MYT1L: variants seen among roughly 807,000 people sequenced by gnomAD.
The protein encoded by MYT1L is myelin transcription factor 1-like protein.
In MYT1L, 12 loss-of-function variants were observed where a neutral mutation model predicts 126.7. The ratio of observed to expected loss-of-function variants is 0.09; its 90% confidence interval spans 0.06 to 0.15. The LOEUF is 0.15. MYT1L is among the 10% of genes least tolerant of loss of function. The probability of loss-of-function intolerance (pLI) is 1.00; values close to 1 mark genes in which losing one functional copy is unlikely to be tolerated. For synonymous variants in MYT1L, 541 were observed against 604.2 expected (o/e 0.90, Z 1.53); for missense variants, 979 against 1,585.2 (o/e 0.62, Z 6.49).
chr2:1,939,774 G>A (rs1225421376), intron 9 of MYT1L, among the ~76,000 whole-genome samples: 1 of 152,218 alleles, frequency 6.6e-6, no homozygotes, highest in African/African-American at 2.4e-5. Flanking sequence ...GGGTATAAGA[G>A]ACTAGAAGAT....
At chr2:1,836,609 C>T (rs1372056014) in intron 21 of MYT1L, among the ~76,000 whole-genome samples, 1 of 149,910 alleles carries the variant, frequency 6.7e-6, no homozygotes, top group Non-Finnish European at 1.5e-5. Flanking sequence ...ACCCCAAGAT[C>T]CCATCAGCTT....
intron 1 of MYT1L, among the ~76,000 whole-genome samples, chr2:2,322,020 A>G (rs1312764115): frequency 1.3e-5 from 2 of 152,216 alleles, no homozygotes; most frequent in Admixed American, 1.3e-4. Flanking sequence ...ACTGGCATTT[A>G]AAAAATACAC....
rs1324610918 is a variant in MYT1L, at chr2:2,316,155, A to T, written c.-521+14812T>A. Among the ~76,000 whole-genome samples the T allele has an allele frequency of 1.2e-4, 18 of 152,226 alleles. 1 individual carries two copies. ...GGAGAGAGACCACTGCCCAACCTCA[A>T]CATGAGCTTGATTTCTCAGACTCCT... On this transcript the variant is annotated intron_variant, in intron 1 of 24. Transcript: ENST00000647738.
chr2:1,912,013 G>A lies in MYT1L; in HGVS notation c.1709+7C>T, dbSNP rs757504934. On this transcript the variant is annotated splice_region_variant and intron_variant, in intron 12 of 24. Coordinates refer to ENST00000647738, the MANE Select transcript of MYT1L (RefSeq NM_001303052.2). This position sits in a 1 kb window ranked among gnomAD's most constrained non-coding sequence, Gnocchi z 4.3. Reference sequence around the variant, plus strand: ...CCTCCCACACCAGTGACCCACGCGTGGCTTACCTTCGGTGGGAGTTCCTGT... The same window carrying A: ...CCTCCCACACCAGTGACCCACGCGTAGCTTACCTTCGGTGGGAGTTCCTGT... The A allele has an allele frequency of 6.3e-7, 1 of 1,590,434 alleles. No individual in the cohort carries two copies. Among genetic ancestry groups the A allele is most frequent in the African/African-American group, 1.3e-5 (1 of 74,648 alleles).
At chr2:2,094,048 A>G (rs1238592550) in intron 3 of MYT1L, among the ~76,000 whole-genome samples, 3 of 152,172 alleles carry the variant, frequency 2.0e-5, no homozygotes. Context: ...CCATTGGTCT[A>G]TATCTCTATT....
chr2:2,005,896 G>GTTCTTTCCTGCGTGCC (rs2063260403), intron 4 of MYT1L, among the ~76,000 whole-genome samples: 1 of 142,876 alleles, frequency 7.0e-6, no homozygotes, highest in East Asian at 2.1e-4. Flanking sequence ...TTCCTCATGC[G>GTTCTTTCCTGCGTGCC]TTCTTTCCTG....
chr2:1,979,923 G>C lies in MYT1L; in HGVS notation c.1-146C>G, dbSNP rs1303334084. The stretch of plus-strand genomic sequence containing the variant: ...AGGGAAGCCCTCTACAAGGGCAGGG[G>C]GTAAGACCAGGCAATCTAAATGTAT... On this transcript the variant is annotated intron_variant, in intron 5 of 24. Transcript: ENST00000647738. The surrounding 1 kb of genome is among the most constrained non-coding windows in gnomAD (Gnocchi z 4.0). 1.4e-6 allele frequency: 1 copy of C among 725,466 alleles called. No homozygotes were observed. Among genetic ancestry groups the C allele is most frequent in the African/African-American group, 1.8e-5 (1 of 56,994 alleles). The allele number at this position is 725,466 out of a possible 1,614,324, so 44.9% of individuals were successfully genotyped here. A position where few individuals can be genotyped will look rare whatever the true frequency, so the allele number is the denominator to read the frequency against.
intron 17 of MYT1L, 139 bp from the exon 18 acceptor site, chr2:1,886,746 T>C: frequency 2.4e-6 from 1 of 421,528 alleles, no homozygotes; most frequent in Non-Finnish European, 4.1e-6. Flanking sequence ...TTTTTTTTTG[T>C]GTAATTAATT....
chr2:2,006,244 A>T (rs1006503261), intron 4 of MYT1L, among the ~76,000 whole-genome samples: 2 of 152,154 alleles, frequency 1.3e-5, no homozygotes, highest in African/African-American at 4.8e-5. Flanking sequence ...TCTCCATTTC[A>T]TTAAAAAAAA....
chr2:2,215,865 C>T (rs563640780), intron 2 of MYT1L, among the ~76,000 whole-genome samples: 73 of 152,230 alleles, frequency 4.8e-4, no homozygotes, highest in African/African-American at 1.6e-3. Context: ...ATTGCATTCC[C>T]CAGTGTTGGA....
chr2:1,825,527 A>G (rs991842782), intron 21 of MYT1L: 1 of 152,228 alleles, frequency 6.6e-6, no homozygotes, highest in Non-Finnish European at 1.5e-5. Flanking sequence ...AAAGATTGGA[A>G]TTACAGTCTT....
intron 1 of MYT1L, among the ~76,000 whole-genome samples, chr2:2,327,273 T>A (rs931670060): frequency 1.3e-5 from 2 of 152,152 alleles, no homozygotes; most frequent in African/African-American, 4.8e-5. Flanking sequence ...TACATCTATT[T>A]ACTTCTTCAA....
chr2:1,865,055 G>A (rs564213203), intron 18 of MYT1L, among the ~76,000 whole-genome samples: 1 of 152,338 alleles, frequency 6.6e-6, no homozygotes, highest in East Asian at 1.9e-4. Context: ...CCCACCAGGT[G>A]CTCTTGTGGG....
At chr2:2,082,401 G>A (rs1383118454) in intron 3 of MYT1L, among the ~76,000 whole-genome samples, 1 of 152,200 alleles carries the variant, frequency 6.6e-6, no homozygotes, top group East Asian at 1.9e-4. Context: ...CTGAAAAACA[G>A]TCTCATTTCT....
At chr2:2,053,505 G>C (rs2069098865) in intron 4 of MYT1L, among the ~76,000 whole-genome samples, 1 of 152,202 alleles carries the variant, frequency 6.6e-6, no homozygotes, top group Non-Finnish European at 1.5e-5. Flanking sequence ...GTGGCAGCAA[G>C]GGACGTTTGT....
intron 1 of MYT1L, among the ~76,000 whole-genome samples, chr2:2,309,196 C>A (rs915948847): frequency 2.6e-5 from 4 of 151,864 alleles, no homozygotes; most frequent in African/African-American, 9.7e-5. Context: ...CTTAGGTATA[C>A]TCTACCCATA....
intron 5 of MYT1L, among the ~76,000 whole-genome samples, chr2:1,980,628 T>C (rs2060536492): frequency 6.6e-6 from 1 of 152,186 alleles, no homozygotes. Context: ...GTAAGGAAAG[T>C]ATTTTTATTA....
chr2:1,908,840 C>A (rs1042191770), intron 13 of MYT1L, among the ~76,000 whole-genome samples: 13 of 152,130 alleles, frequency 8.5e-5, no homozygotes, highest in African/African-American at 2.9e-4. Context: ...CAGGCCAGGA[C>A]CCCAAATGCA....
chr2:2,096,418 A>G (rs778463954), intron 3 of MYT1L, among the ~76,000 whole-genome samples: 4 of 152,180 alleles, frequency 2.6e-5, no homozygotes, highest in Non-Finnish European at 5.9e-5. Context: ...TGGGTGGTCT[A>G]TATCAAACAT....
Sources: allele counts gnomAD v4.1 joint callset (sites outside exome capture counted in the v4.1 genomes callset), GRCh38; gene constraint gnomAD v4.1.1; non-coding constraint Gnocchi (gnomAD v3.1); transcripts MANE v1.5; gene names NCBI Gene and HGNC (gene_info 2026-07-23, HGNC 2026-07-21).